FER: variants seen among roughly 807,000 people sequenced by gnomAD.
FER encodes the protein FER tyrosine kinase.
In FER, 63 loss-of-function variants were observed where a neutral mutation model predicts 111.0. That is an observed-to-expected ratio of 0.57 (90% CI 0.46 to 0.70). The LOEUF (loss-of-function observed/expected upper bound fraction) is 0.70. Among genes scored for constraint, FER ranks in the 30% least tolerant of loss-of-function variants. The pLI is 0.00. For missense variants in FER, 914 were observed against 954.0 expected (o/e 0.96, Z 0.55); for synonymous variants, 327 against 313.9 (o/e 1.04, Z -0.44).
At chr5:109,112,870 T>C (rs1749792758) in intron 17 of FER, among the ~76,000 whole-genome samples, 1 of 152,156 alleles carries the variant, frequency 6.6e-6, no homozygotes, top group Non-Finnish European at 1.5e-5. Context: ...ATGCTGTTAG[T>C]CTGCATCCTA....
At chr5:108,877,740 A>T (rs1012680962) in intron 8 of FER, among the ~76,000 whole-genome samples, 1 of 152,212 alleles carries the variant, frequency 6.6e-6, no homozygotes, top group African/African-American at 2.4e-5. Flanking sequence ...CATGTAAGAA[A>T]TGAAAGTTAA....
Position 108,778,751 on chromosome 5 carries a change from C to T in FER, c.-60+10513C>T, listed in dbSNP as rs866740082. Among the ~76,000 whole-genome samples, 12 of 152,002 alleles carry T rather than the reference C, an allele frequency of 7.9e-5. 1 individual carries two copies. Among genetic ancestry groups the T allele is most frequent in the African/African-American group, 2.4e-4 (10 of 41,382 alleles). On this transcript the variant is annotated intron_variant, in intron 2 of 19. Coordinates refer to ENST00000281092, the MANE Select transcript of FER (RefSeq NM_005246.4). ...AATATCTGTTATAAATATATTTTCC[C>T]AGTTTGTGGTTTATCTTTTCATTCT... is the stretch of plus-strand genomic sequence containing the variant.
chr5:108,769,292 G>A (rs535775075), intron 2 of FER, among the ~76,000 whole-genome samples: 1 of 152,214 alleles, frequency 6.6e-6, no homozygotes, highest in South Asian at 2.1e-4. Flanking sequence ...TTGGGGCAGG[G>A]GAAGGGAGTA....
At chr5:109,125,972 C>T (rs867684520) in intron 17 of FER, among the ~76,000 whole-genome samples, 33 of 152,042 alleles carry the variant, frequency 2.2e-4, no homozygotes, top group Admixed American at 2.6e-4. Flanking sequence ...ATGGCTGATT[C>T]ATTTCTTAGT....
At chr5:108,920,086 C>T (rs931225777) in intron 10 of FER, among the ~76,000 whole-genome samples, 4 of 151,956 alleles carry the variant, frequency 2.6e-5, no homozygotes, top group African/African-American at 9.7e-5. Context: ...TATTTTAGTT[C>T]TTTTTAGTTA....
intron 10 of FER, among the ~76,000 whole-genome samples, 163 bp from the exon 11 acceptor site, chr5:108,945,967 T>G (rs1254352709): frequency 1.3e-5 from 2 of 152,038 alleles, no homozygotes; most frequent in African/African-American, 4.8e-5. Context: ...GCTATAGAGT[T>G]TATGTGTATT....
chr5:108,909,881 T>A (rs1751306309), intron 10 of FER, among the ~76,000 whole-genome samples: 1 of 151,448 alleles, frequency 6.6e-6, no homozygotes, highest in South Asian at 2.1e-4. Flanking sequence ...TTTAAACTTA[T>A]GCTACATAAA....
chr5:108,847,426 T>C (rs1487925553), intron 5 of FER, among the ~76,000 whole-genome samples: 4 of 152,202 alleles, frequency 2.6e-5, no homozygotes, highest in Non-Finnish European at 5.9e-5. Context: ...TTATGGCCAG[T>C]AAATGTCTGT....
chr5:109,033,845 T>A (rs1245777108), intron 13 of FER, among the ~76,000 whole-genome samples: 4 of 152,150 alleles, frequency 2.6e-5, no homozygotes, highest in African/African-American at 7.2e-5. Context: ...TTTAAATTTT[T>A]ACTTTTAATT....
intron 13 of FER, among the ~76,000 whole-genome samples, chr5:109,015,954 T>C (rs1448360903): frequency 6.6e-6 from 1 of 152,026 alleles, no homozygotes; most frequent in Non-Finnish European, 1.5e-5. Context: ...TGGCTTTGGA[T>C]GCTCCTGAAT....
At chr5:109,025,726 T>G (rs1768629404) in intron 13 of FER, among the ~76,000 whole-genome samples, 1 of 152,004 alleles carries the variant, frequency 6.6e-6, no homozygotes. Flanking sequence ...CTTCTAGTTT[T>G]TGCCCATTCA....
At chr5:108,971,175 A>G (rs115272532) in intron 13 of FER, among the ~76,000 whole-genome samples, 1,528 of 151,868 alleles carry the variant, frequency 0.01, 21 homozygotes, top group African/African-American at 0.035. Context: ...TAATAATGTT[A>G]AAATAGGAGT....
chr5:108,937,814 A>T (rs141503670), intron 10 of FER, among the ~76,000 whole-genome samples: 1 of 151,944 alleles, frequency 6.6e-6, no homozygotes, highest in African/African-American at 2.4e-5. Context: ...ATGGGGTGAC[A>T]GCCAAATAAG....
At chr5:109,110,714 A>G (rs941845797) in intron 17 of FER, among the ~76,000 whole-genome samples, 1 of 152,072 alleles carries the variant, frequency 6.6e-6, no homozygotes, top group African/African-American at 2.4e-5. Context: ...TTTGTTACAT[A>G]TGTATACATG....
chr5:108,754,360 T>A (rs115802233), intron 1 of FER, among the ~76,000 whole-genome samples: 1 of 148,938 alleles, frequency 6.7e-6, no homozygotes, highest in South Asian at 2.1e-4. Context: ...TGAGCTATGA[T>A]TGCAGCACTG....
At chr5:109,164,569 A>G (rs530575539) in intron 17 of FER, among the ~76,000 whole-genome samples, 6 of 152,058 alleles carry the variant, frequency 3.9e-5, no homozygotes, top group African/African-American at 1.4e-4. Context: ...GCTCTTAACT[A>G]TGTGTCTTGA....
intron 5 of FER, among the ~76,000 whole-genome samples, chr5:108,863,424 C>T (rs1763728311): frequency 6.6e-6 from 1 of 152,088 alleles, no homozygotes; most frequent in African/African-American, 2.4e-5. Flanking sequence ...CAGGCAATTG[C>T]ATTGACTTTT....
chr5:108,776,771 A>C (rs890178498), intron 2 of FER, among the ~76,000 whole-genome samples: 1 of 152,230 alleles, frequency 6.6e-6, no homozygotes, highest in Non-Finnish European at 1.5e-5. Context: ...TGAAAACTCA[A>C]CATGTAAGCA....
intron 10 of FER, among the ~76,000 whole-genome samples, chr5:108,945,458 T>G (rs1279438877): frequency 6.6e-6 from 1 of 152,134 alleles, no homozygotes; most frequent in East Asian, 1.9e-4. Flanking sequence ...TCCTTCATTA[T>G]GGTATATGAT....
Sources: gnomAD v4.1 joint callset for allele counts (sites outside exome capture counted in the v4.1 genomes callset) on GRCh38, gnomAD v4.1.1 for gene constraint, MANE v1.5 for transcripts, NCBI Gene and HGNC (gene_info 2026-07-23, HGNC 2026-07-21) for gene names.